Variants in IRAK3 observed in about 807,000 individuals in gnomAD.
The protein encoded by IRAK3 is interleukin 1 receptor associated kinase 3.
A neutral mutation model predicts 56.6 loss-of-function variants in IRAK3; 57 were observed. The observed-to-expected ratio is 1.01, with a 90% CI of 0.81 to 1.26. The LOEUF is 1.26. IRAK3 is among the 50% of genes most tolerant of loss of function. IRAK3 has a pLI of 0.00. For missense variants in IRAK3, 703 were observed against 719.0 expected (o/e 0.98, Z 0.25); for synonymous variants, 258 against 255.7 (o/e 1.01, Z -0.09).
At chr12:66,235,144 G>C (rs2052890757) in intron 8 of IRAK3, 2 of 1,613,944 alleles carry the variant, frequency 1.2e-6, no homozygotes, top group South Asian at 2.2e-5. Flanking sequence ...AGTTGCTGCT[G>C]CTGCTACTGT....
chr12:66,203,827 G>A lies in IRAK3; in HGVS notation c.250G>A (p.Gly84Ser), dbSNP rs34443407. 330 of 1,613,984 alleles carry A rather than the reference G, an allele frequency of 2.0e-4. 1 individual carries two copies. The East Asian group carries it at 5.7e-3, about 28-fold the overall frequency. The change falls in exon 2 of 12, where the codon GGT becomes AGT. Residue 84 changes from glycine to serine, a missense_variant. Transcript: ENST00000261233. ...WSWAQKNKTIGDLLQVLQEMG... is the reference protein window; with the variant it reads ...WSWAQKNKTISDLLQVLQEMG... Reference sequence around the variant, plus strand: ...CTGGGCACAGAAAAACAAGACCATCGGTGACCTTTTACAGGTCCTCCAGGA... The same window carrying A: ...CTGGGCACAGAAAAACAAGACCATCAGTGACCTTTTACAGGTCCTCCAGGA...
At chr12:66,235,289 G>T (rs143278839) in intron 8 of IRAK3, 1 of 1,366,250 alleles carries the variant, frequency 7.3e-7, no homozygotes, top group Non-Finnish European at 9.5e-7. Context: ...GAAGATCATC[G>T]CTGCGGGCCG....
intron 6 of IRAK3, among the ~76,000 whole-genome samples, chr12:66,225,851 G>T (rs2052780243): frequency 6.6e-6 from 1 of 152,178 alleles, no homozygotes; most frequent in Admixed American, 6.5e-5. Flanking sequence ...TATGGATTTA[G>T]ACAATAATGC....
rs779856554 is a variant in IRAK3 at position 66,189,335 on chromosome 12, G to A, written c.36G>A (p.Ser12=). ...AGNCGARGAL[S]AHTLLFDLPP... ...ACTGTGGGGCCCGCGGCGCGCTGTC[G>A]GCGCACACGCTGCTGTTCGACCTGC... Residue 12 remains serine, a synonymous_variant, in exon 1 of 12, where the codon TCG becomes TCA. Transcript: ENST00000261233. The A allele has an allele frequency of 1.6e-5, 24 of 1,532,886 alleles. No individual in the cohort carries two copies. The highest frequency in any genetic ancestry group is 2.1e-5 in the Non-Finnish European group (24 of 1,145,866). The allele number at this position is 1,532,886 out of a possible 1,614,324, so 95.0% of individuals were successfully genotyped here. A position where few individuals can be genotyped will look rare whatever the true frequency, so the allele number is the denominator to read the frequency against.
chr12:66,200,393 A>G lies in IRAK3; in HGVS notation c.134-3318A>G, dbSNP rs987121463. 1.0e-3 allele frequency among the ~76,000 whole-genome samples: 158 copies of G among 152,282 alleles called. 4 individuals carry two copies. The highest frequency in any genetic ancestry group is 4.4e-5 in the Non-Finnish European group (3 of 68,010). On this transcript the variant is annotated intron_variant, in intron 1 of 11. Coordinates refer to ENST00000261233, the MANE Select transcript of IRAK3 (RefSeq NM_007199.3). ...TTGATCTTGAGGCAGCCCCCTGTCAACTTGTAGTGAATTGTGCCCTGGTTC... is the reference window on the plus strand; with the variant it reads ...TTGATCTTGAGGCAGCCCCCTGTCAGCTTGTAGTGAATTGTGCCCTGGTTC...
At chr12:66,189,643 T>C (rs1020095062) in intron 1 of IRAK3, among the ~76,000 whole-genome samples, 4 of 152,172 alleles carry the variant, frequency 2.6e-5, no homozygotes, top group African/African-American at 9.7e-5. Flanking sequence ...TCAAAGAATT[T>C]TGGGTATCGC....
In IRAK3 at chr12:66,214,590, G is replaced by T. The variant is rs116051695; in HGVS notation, c.589-2581G>T. 6.1e-3 allele frequency among the ~76,000 whole-genome samples: 927 copies of T among 150,824 alleles called. 7 individuals are homozygous for T. The highest frequency in any genetic ancestry group is 0.021 in the African/African-American group (877 of 41,364). ...AAAACCACCAGACTGGAGGCAGAAAGACCTGGTAGAGGGATATTTCAGATG... is the reference window on the plus strand; with the variant it reads ...AAAACCACCAGACTGGAGGCAGAAATACCTGGTAGAGGGATATTTCAGATG... On this transcript the variant is annotated intron_variant, in intron 5 of 11. Coordinates refer to ENST00000261233, the MANE Select transcript of IRAK3 (RefSeq NM_007199.3).
chr12:66,199,090 C>T (rs1018437844), intron 1 of IRAK3, among the ~76,000 whole-genome samples: 1 of 152,164 alleles, frequency 6.6e-6, no homozygotes, highest in Non-Finnish European at 1.5e-5. Context: ...ATGTGGAAAC[C>T]TAAACTTTCC....
intron 2 of IRAK3, among the ~76,000 whole-genome samples, chr12:66,208,278 A>G (rs193183574): frequency 6.6e-6 from 1 of 152,178 alleles, no homozygotes; most frequent in Admixed American, 6.5e-5. Context: ...ACTCTACCAC[A>G]TAGAAGTTAT....
intron 4 of IRAK3, among the ~76,000 whole-genome samples, chr12:66,210,891 T>G (rs1242939891): frequency 6.6e-6 from 1 of 152,208 alleles, no homozygotes; most frequent in African/African-American, 2.4e-5. Flanking sequence ...AGCCAAACTT[T>G]TCCTTTTCAA....
chr12:66,194,398 A>T (rs1402277679), intron 1 of IRAK3, among the ~76,000 whole-genome samples: 3 of 151,968 alleles, frequency 2.0e-5, no homozygotes, highest in Non-Finnish European at 4.4e-5. Flanking sequence ...TTCACCTCCC[A>T]CCGCTCCATT....
chr12:66,233,442 C>T (rs1342280895), intron 8 of IRAK3, among the ~76,000 whole-genome samples: 3 of 150,726 alleles, frequency 2.0e-5, no homozygotes, highest in African/African-American at 4.9e-5. Flanking sequence ...GGCGTGAACC[C>T]GGGAGGCGGA....
chr12:66,208,577 A>G (rs149258663), intron 2 of IRAK3, among the ~76,000 whole-genome samples: 2 of 151,850 alleles, frequency 1.3e-5, no homozygotes, highest in South Asian at 2.1e-4. Context: ...CCTGGCCAAC[A>G]TGGTGAAACC....
intron 8 of IRAK3, among the ~76,000 whole-genome samples, chr12:66,233,332 C>G (rs2052864068): frequency 6.6e-6 from 1 of 152,142 alleles, no homozygotes; most frequent in Admixed American, 6.6e-5. Context: ...TCCTGGCTAA[C>G]ACGGTGAAAC....
chr12:66,193,188 T>G (rs1008688894), intron 1 of IRAK3, among the ~76,000 whole-genome samples: 35 of 151,970 alleles, frequency 2.3e-4, no homozygotes, highest in African/African-American at 7.3e-4. Flanking sequence ...TTTTTTTGTA[T>G]TTTTAGTAGA....
At chr12:66,201,826 A>C (rs1287836078) in intron 1 of IRAK3, among the ~76,000 whole-genome samples, 1 of 152,256 alleles carries the variant, frequency 6.6e-6, no homozygotes, top group Non-Finnish European at 1.5e-5. Context: ...CAGGGGGAAC[A>C]AAACACCATT....
At chr12:66,223,576 G>A (rs963074346) in intron 6 of IRAK3, among the ~76,000 whole-genome samples, 1 of 150,166 alleles carries the variant, frequency 6.7e-6, no homozygotes, top group Non-Finnish European at 1.5e-5. Flanking sequence ...AGAGAATGGC[G>A]TGAACCCAGG....
rs368297110 is a variant in IRAK3, at chr12:66,197,359, A to G, written c.134-6352A>G. ...GGACACGTAAGGGAGAGTTGAAGAA[A>G]ATGATAAATATTGAAGAATGTAATT... On this transcript the variant is annotated intron_variant, in intron 1 of 11. Transcript: ENST00000261233. 23 of 1,005,988 alleles carry G rather than the reference A, an allele frequency of 2.3e-5. No homozygotes were observed. In the East Asian group the frequency reaches 1.3e-3, roughly 56 times the overall value. 62.3% of individuals were successfully genotyped at this position (1,005,988 alleles called of 1,614,324 possible). A position where few individuals can be genotyped will look rare whatever the true frequency, so the allele number is the denominator to read the frequency against.
Position 66,252,388 on chromosome 12 carries a change from GA to G in IRAK3, c.*4221del, listed in dbSNP as rs1357762853. The G allele has an allele frequency of 2.0e-5, 3 of 152,198 alleles. No homozygotes were observed. Among genetic ancestry groups the G allele is most frequent in the Admixed American group, 6.5e-5 (1 of 15,280 alleles). 9.4% of individuals were successfully genotyped at this position (152,198 alleles called of 1,614,324 possible). A position where few individuals can be genotyped will look rare whatever the true frequency, so the allele number is the denominator to read the frequency against. ...AGTCACTGCCAGTTCAAGCTCCTATGAAAAGGGATGGATGTGAAAAGTCATT... is the reference window on the plus strand; with the variant it reads ...AGTCACTGCCAGTTCAAGCTCCTATGAAAGGGATGGATGTGAAAAGTCATT... On this transcript the variant is annotated 3_prime_UTR_variant, in exon 12 of 12. Transcript: ENST00000261233.
Sources: gnomAD v4.1 joint callset for allele counts (sites outside exome capture counted in the v4.1 genomes callset) on GRCh38, gnomAD v4.1.1 for gene constraint, MANE v1.5 for transcripts, NCBI Gene and HGNC (gene_info 2026-07-23, HGNC 2026-07-21) for gene names.